LRRC2: variants seen among roughly 807,000 people sequenced by gnomAD.
LRRC2 encodes the protein leucine rich repeat containing 2, also known as leucine-rich repeat-containing protein 2.
A neutral mutation model predicts 40.2 loss-of-function variants in LRRC2; 27 were observed. That is an observed-to-expected ratio of 0.67 (90% CI 0.49 to 0.93). The LOEUF is 0.93. LRRC2 is among the 40% of genes least tolerant of loss of function. The pLI is 0.00. For synonymous variants in LRRC2, 147 were observed against 158.9 expected (o/e 0.92, Z 0.56); for missense variants, 402 against 439.6 (o/e 0.91, Z 0.76).
chr3:46,542,142 T>C (rs1038304105), intron 3 of LRRC2, among the ~76,000 whole-genome samples: 3 of 151,798 alleles, frequency 2.0e-5, no homozygotes, highest in Non-Finnish European at 4.4e-5. Flanking sequence ...CAACCCAGTG[T>C]CTCCAGACCT....
rs1325846175 is a variant in LRRC2, at chr3:46,517,085, C to A, written c.*1929G>T. 6.6e-6 allele frequency: 1 copy of A among 152,142 alleles called. No individual in the cohort carries two copies. The highest frequency in any genetic ancestry group is 1.5e-5 in the Non-Finnish European group (1 of 68,040). 9.4% of individuals were successfully genotyped at this position (152,142 alleles called of 1,614,324 possible). A position where few individuals can be genotyped will look rare whatever the true frequency, so the allele number is the denominator to read the frequency against. ...TGAATTGAAAGATGGGTTCTTCAAT[C>A]ACATCAGTCATTGTTCAAGTGCTCA... On this transcript the variant is annotated 3_prime_UTR_variant, in exon 9 of 9. Transcript: ENST00000395905.
chr3:46,556,576 C>CTT lies in LRRC2; in HGVS notation c.-19-4968_-19-4967dup, dbSNP rs143635012. On this transcript the variant is annotated intron_variant, in intron 1 of 8. Transcript: ENST00000395905. ...TTTGGGGATTTTTCAGTCATTATTT[C>CTT]TTTTTTTTTTTTTTTTTTTTGAGAC... Among the ~76,000 whole-genome samples, 936 of 104,750 alleles carry CTT rather than the reference C, an allele frequency of 8.9e-3. 48 individuals carry two copies. Among genetic ancestry groups the CTT allele is most frequent in the Admixed American group, 0.051 (451 of 8,792 alleles). 68.7% of individuals were successfully genotyped at this position (104,750 alleles called of 152,430 possible).
chr3:46,526,450 T>A (rs1393825892), intron 7 of LRRC2, among the ~76,000 whole-genome samples: 1 of 152,214 alleles, frequency 6.6e-6, no homozygotes, highest in Non-Finnish European at 1.5e-5. Context: ...CCAGTGGTCC[T>A]CTTCTTATTC....
intron 1 of LRRC2, among the ~76,000 whole-genome samples, chr3:46,556,240 C>G (rs974764397): frequency 6.6e-6 from 1 of 152,082 alleles, no homozygotes; most frequent in Admixed American, 6.6e-5. Context: ...CCATCTCAGC[C>G]TCTCAAGTAG....
At chr3:46,545,870 C>T (rs1383716113) in intron 2 of LRRC2, among the ~76,000 whole-genome samples, 2 of 152,248 alleles carry the variant, frequency 1.3e-5, no homozygotes, top group African/African-American at 4.8e-5. Flanking sequence ...CAGATGCCCA[C>T]ACAGCTGTCA....
rs767508371 is a variant in LRRC2, at chr3:46,527,583, TAAG to T, written c.774-5_774-3del. 9 of 1,613,126 alleles carry T rather than the reference TAAG, an allele frequency of 5.6e-6. No homozygotes were observed. The African/African-American group carries it at 9.3e-5, about 17-fold the overall frequency. Reference sequence around the variant, plus strand: ...AGAAAGCTCTGCAGCTCCTCTAGCCTAAGAAGAGGTAAAAACAATCATAGCACT... The same window carrying T: ...AGAAAGCTCTGCAGCTCCTCTAGCCTAAGAGGTAAAAACAATCATAGCACT... On this transcript the variant is annotated splice_region_variant and splice_polypyrimidine_tract_variant and intron_variant, in intron 6 of 8. Transcript: ENST00000395905.
chr3:46,551,669 A>G (rs1704657252), intron 1 of LRRC2, 59 bp from the exon 2 acceptor site: 7 of 1,303,512 alleles, frequency 5.4e-6, no homozygotes, highest in Middle Eastern at 2.0e-4. Flanking sequence ...CAGTTTTAAC[A>G]TAAACTTTAA....
At chr3:46,543,640 TAATAATAATA>T (rs1363769050) in intron 3 of LRRC2, among the ~76,000 whole-genome samples, 4 of 93,036 alleles carry the variant, frequency 4.3e-5, no homozygotes, top group East Asian at 2.1e-4. Context: ...ATAATAATAA[TAATAATAATA>T]AATAATAAAT....
chr3:46,523,253 T>C (rs992368447), intron 7 of LRRC2, among the ~76,000 whole-genome samples: 1 of 152,214 alleles, frequency 6.6e-6, no homozygotes, highest in Non-Finnish European at 1.5e-5. Context: ...CAAGTAATCA[T>C]TGTACACATT....
intron 7 of LRRC2, among the ~76,000 whole-genome samples, chr3:46,523,849 A>T (rs1704008711): frequency 6.6e-6 from 1 of 152,170 alleles, no homozygotes; most frequent in Non-Finnish European, 1.5e-5. Context: ...CTGTTCACAC[A>T]TCTATCCACC....
At chr3:46,563,955 C>T (rs371784301) in intron 1 of LRRC2, among the ~76,000 whole-genome samples, 5 of 152,324 alleles carry the variant, frequency 3.3e-5, no homozygotes, top group African/African-American at 1.2e-4. Context: ...AACACAGAAA[C>T]CGTGTGTACT....
intron 4 of LRRC2, among the ~76,000 whole-genome samples, chr3:46,533,525 A>G: frequency 6.6e-6 from 1 of 152,216 alleles, no homozygotes. Flanking sequence ...AACCTATCAA[A>G]CATTGTAGCT....
chr3:46,553,182 C>CAAAAAA (rs10676856), intron 1 of LRRC2, among the ~76,000 whole-genome samples: 1 of 149,436 alleles, frequency 6.7e-6, no homozygotes. Flanking sequence ...TTGATCATTG[C>CAAAAAA]AAAAAAAAAA....
At chr3:46,537,921 G>T (rs987241258) in intron 4 of LRRC2, among the ~76,000 whole-genome samples, 1 of 152,260 alleles carries the variant, frequency 6.6e-6, no homozygotes, top group Non-Finnish European at 1.5e-5. Context: ...TCACAGCTGA[G>T]AACCCTGAGC....
At chr3:46,556,111 CTTTT>C (rs902382893) in intron 1 of LRRC2, among the ~76,000 whole-genome samples, 2 of 144,956 alleles carry the variant, frequency 1.4e-5, no homozygotes, top group Non-Finnish European at 3.0e-5. Context: ...TTGCTACTTT[CTTTT>C]TTTTTTTTCT....
At position 46,516,990 on chromosome 3, in the gene LRRC2, A is replaced by G. The variant is rs1257295814; in HGVS notation, c.*2024T>C. On this transcript the variant is annotated 3_prime_UTR_variant, in exon 9 of 9. Coordinates refer to ENST00000395905, the MANE Select transcript of LRRC2 (RefSeq NM_024512.5). ...GCCCCACCTTGGAACGGTTTGGAGC[A>G]CTCTCTCATGGGAATTTTCCATCAG... 4 of 152,034 alleles carry G rather than the reference A, an allele frequency of 2.6e-5. No homozygotes were observed. Among genetic ancestry groups the G allele is most frequent in the Non-Finnish European group, 5.9e-5 (4 of 68,012 alleles). The allele number at this position is 152,034 out of a possible 1,614,324, so 9.4% of individuals were successfully genotyped here. A position where few individuals can be genotyped will look rare whatever the true frequency, so the allele number is the denominator to read the frequency against.
At chr3:46,540,440 G>A (rs970566193) in intron 3 of LRRC2, among the ~76,000 whole-genome samples, 3 of 151,386 alleles carry the variant, frequency 2.0e-5, no homozygotes, top group Non-Finnish European at 2.9e-5. Context: ...AAGGAGAATC[G>A]CTTGAACCCA....
Position 46,518,751 on chromosome 3 carries a change from A to C in LRRC2, c.*263T>G. ...TCTTAAAAATAAGACATTTTAAAAC[A>C]TATTAAATGTGCATTATTTGGAAAA... On this transcript the variant is annotated 3_prime_UTR_variant, in exon 9 of 9. Coordinates refer to ENST00000395905, the MANE Select transcript of LRRC2 (RefSeq NM_024512.5). 1 of 379,584 alleles carries C rather than the reference A, an allele frequency of 2.6e-6. No homozygotes were observed. The highest frequency in any genetic ancestry group is 4.7e-6 in the Non-Finnish European group (1 of 214,544). The allele number at this position is 379,584 out of a possible 1,614,324, so 23.5% of individuals were successfully genotyped here. A position where few individuals can be genotyped will look rare whatever the true frequency, so the allele number is the denominator to read the frequency against.
chr3:46,526,718 C>T (rs1010764998), intron 7 of LRRC2, among the ~76,000 whole-genome samples: 3 of 152,222 alleles, frequency 2.0e-5, no homozygotes, highest in Non-Finnish European at 2.9e-5. Context: ...GAAATATTCT[C>T]GCTAGTGGTT....
Sources: allele counts gnomAD v4.1 joint callset (sites outside exome capture counted in the v4.1 genomes callset), GRCh38; gene constraint gnomAD v4.1.1; transcripts MANE v1.5; gene names NCBI Gene and HGNC (gene_info 2026-07-23, HGNC 2026-07-21).